Variants in MAD1L1 observed in about 807,000 individuals in gnomAD.
MAD1L1 encodes mitotic arrest deficient 1 like 1.
Under a neutral mutation model 96.9 loss-of-function variants are expected in MAD1L1, and 95 were observed. The observed-to-expected ratio is 0.98, with a 90% CI of 0.83 to 1.16. MAD1L1 has a LOEUF of 1.16. MAD1L1 is among the 50% of genes most tolerant of loss of function. MAD1L1 has a pLI of 0.00. For missense variants in MAD1L1, 1,007 were observed against 954.4 expected (o/e 1.06, Z -0.73); for synonymous variants, 473 against 396.6 (o/e 1.19, Z -2.29).
At chr7:2,093,889 G>A (rs1417504713) in intron 11 of MAD1L1, among the ~76,000 whole-genome samples, 3 of 152,260 alleles carry the variant, frequency 2.0e-5, no homozygotes, top group Non-Finnish European at 4.4e-5. Context: ...AAAAGCCTCA[G>A]GTGACGATGT....
intron 10 of MAD1L1, among the ~76,000 whole-genome samples, chr7:2,183,712 T>C (rs1268899509): frequency 6.7e-6 from 1 of 148,174 alleles, no homozygotes; most frequent in African/African-American, 2.5e-5. Context: ...TGAGAACACA[T>C]GGACACAGGA....
At chr7:1,900,758 T>C (rs957979960) in intron 17 of MAD1L1, among the ~76,000 whole-genome samples, 2 of 150,686 alleles carry the variant, frequency 1.3e-5, no homozygotes, top group Admixed American at 1.3e-4. Flanking sequence ...TAGATTTTGG[T>C]AATAAATGCA....
intron 4 of MAD1L1, among the ~76,000 whole-genome samples, chr7:2,224,600 A>G (rs1007162636): frequency 7.9e-5 from 12 of 152,172 alleles, no homozygotes; most frequent in Non-Finnish European, 1.2e-4. Context: ...AATACACCGC[A>G]TGATGTCAGG....
chr7:2,210,572 C>CTG (rs1462420908), intron 10 of MAD1L1, among the ~76,000 whole-genome samples: 22 of 145,770 alleles, frequency 1.5e-4, no homozygotes, highest in African/African-American at 5.1e-4. Flanking sequence ...GACCGCCAGC[C>CTG]CGCATTCCCG....
rs369258015 is a variant in MAD1L1 at position 2,191,591 on chromosome 7, C to T, written c.986+21621G>A. Among the ~76,000 whole-genome samples, 37 of 151,790 alleles carry T rather than the reference C, an allele frequency of 2.4e-4. No individual in the cohort carries two copies. In the South Asian group the frequency reaches 5.8e-3, roughly 24 times the overall value. The stretch of plus-strand genomic sequence containing the variant: ...ACTAAAAATACAAAAATTAGCTGGG[C>T]GTGGTGGCAAGTGTCTGTAGTCCCA... On this transcript the variant is annotated intron_variant, in intron 10 of 18. Coordinates refer to ENST00000265854, the MANE Select transcript of MAD1L1 (RefSeq NM_001013836.2).
At chr7:2,100,596 C>T (rs1243026144) in intron 11 of MAD1L1, among the ~76,000 whole-genome samples, 2 of 152,258 alleles carry the variant, frequency 1.3e-5, no homozygotes, top group African/African-American at 2.4e-5. Flanking sequence ...AGATGCTGTC[C>T]GTGTCCTGGG....
intron 18 of MAD1L1, among the ~76,000 whole-genome samples, chr7:1,842,967 T>C (rs1783362156): frequency 6.6e-6 from 1 of 152,230 alleles, no homozygotes; most frequent in Non-Finnish European, 1.5e-5. Flanking sequence ...CAGCACAGCC[T>C]TCAAGTGAGG....
At chr7:1,908,656 G>A (rs117097421) in intron 17 of MAD1L1, among the ~76,000 whole-genome samples, 10,091 of 152,212 alleles carry the variant, frequency 0.066, 489 homozygotes, top group Non-Finnish European at 0.097. Context: ...CCCCGCACCC[G>A]GCCTCTCTTT....
chr7:2,214,687 C>T (rs1032074702), intron 9 of MAD1L1, among the ~76,000 whole-genome samples: 1 of 152,228 alleles, frequency 6.6e-6, no homozygotes, highest in Admixed American at 6.5e-5. Flanking sequence ...AATTCTGGTC[C>T]AAACTTGCTG....
intron 16 of MAD1L1, 83 bp from the exon 17 acceptor site, chr7:1,936,980 C>A (rs778825256): frequency 2.2e-4 from 242 of 1,123,316 alleles, no homozygotes; most frequent in Non-Finnish European, 2.9e-4. Context: ...TCACCATGGC[C>A]CAGGAAGACA....
rs868793606 is a variant in MAD1L1 at position 2,202,792 on chromosome 7, A to G, written c.986+10420T>C. Among the ~76,000 whole-genome samples the G allele has an allele frequency of 2.1e-4, 32 of 152,366 alleles. 2 individuals carry two copies. In the Middle Eastern group the frequency reaches 0.01, roughly 49 times the overall value. On this transcript the variant is annotated intron_variant, in intron 10 of 18. Transcript: ENST00000265854. ...GGTAACTAGGATAATAAAACTGTCC[A>G]GGCTGGTCAATTAGACCCTTCCTTA... is the stretch of plus-strand genomic sequence containing the variant.
At chr7:1,960,404 A>G (rs1305214408) in intron 15 of MAD1L1, among the ~76,000 whole-genome samples, 1 of 152,196 alleles carries the variant, frequency 6.6e-6, no homozygotes, top group Non-Finnish European at 1.5e-5. Context: ...ATTAAAAAGC[A>G]ACACCCAATC....
chr7:1,821,476 G>A lies in MAD1L1; in HGVS notation c.1999-5248C>T, dbSNP rs551727814. 8.2e-4 allele frequency among the ~76,000 whole-genome samples: 124 copies of A among 152,060 alleles called. 1 individual carries two copies. Among genetic ancestry groups the A allele is most frequent in the Admixed American group, 2.1e-3 (32 of 15,262 alleles). On this transcript the variant is annotated intron_variant, in intron 18 of 18. Coordinates refer to ENST00000265854, the MANE Select transcript of MAD1L1 (RefSeq NM_001013836.2). ...CTGTACTGAAACCAACAAGGATGGT[G>A]CGCACACAAAGAAAAATAAGTATCA...
At chr7:1,996,853 TAG>T (rs912960896) in intron 14 of MAD1L1, among the ~76,000 whole-genome samples, 1 of 84,916 alleles carries the variant, frequency 1.2e-5, no homozygotes, top group Non-Finnish European at 2.9e-5. Context: ...TATAAAATAT[TAG>T]AGGATATTTT....
intron 18 of MAD1L1, among the ~76,000 whole-genome samples, chr7:1,887,305 ATG>A (rs1452339398): frequency 1.4e-5 from 2 of 147,058 alleles, no homozygotes; most frequent in African/African-American, 5.0e-5. Flanking sequence ...GTGTGTGGGC[ATG>A]TGTGTGCATG....
At chr7:1,865,128 C>G (rs535628979) in intron 18 of MAD1L1, among the ~76,000 whole-genome samples, 28 of 152,312 alleles carry the variant, frequency 1.8e-4, no homozygotes, top group African/African-American at 6.5e-4. Flanking sequence ...GGTGACCAGG[C>G]CCATCCTGTC....
chr7:2,216,016 G>C lies in MAD1L1; in HGVS notation c.810-17C>G, dbSNP rs1793253932. 1.2e-6 allele frequency: 2 copies of C among 1,613,458 alleles called. No individual in the cohort carries two copies. The highest frequency in any genetic ancestry group is 4.5e-5 in the East Asian group (2 of 44,876). On this transcript the variant is annotated splice_polypyrimidine_tract_variant and intron_variant, in intron 8 of 18. Coordinates refer to ENST00000265854, the MANE Select transcript of MAD1L1 (RefSeq NM_001013836.2). ...CTCATCTCCCTGGCAGTGCCACAAA[G>C]AGTCGCTCAAATAGCCACACACCCT... is the stretch of plus-strand genomic sequence containing the variant.
chr7:2,018,708 C>T (rs1236381310), intron 12 of MAD1L1, among the ~76,000 whole-genome samples: 1 of 152,170 alleles, frequency 6.6e-6, no homozygotes, highest in African/African-American at 2.4e-5. Context: ...CTGAGTACCG[C>T]GTGCCCCCTC....
At chr7:2,159,431 A>G (rs1319617054) in intron 10 of MAD1L1, among the ~76,000 whole-genome samples, 2 of 152,080 alleles carry the variant, frequency 1.3e-5, no homozygotes, top group African/African-American at 4.8e-5. Context: ...ATGTCACCTG[A>G]GCCCTGGCTC....
Sources: allele counts gnomAD v4.1 joint callset (sites outside exome capture counted in the v4.1 genomes callset), GRCh38; gene constraint gnomAD v4.1.1; transcripts MANE v1.5; gene names NCBI Gene and HGNC (gene_info 2026-07-23, HGNC 2026-07-21).